The following EBF2 variants were observed in gnomAD, a reference collection of about 807,000 sequenced individuals.
EBF2 encodes the protein transcription factor COE2.
A neutral mutation model predicts 72.8 loss-of-function variants in EBF2; 21 were observed. That is an observed-to-expected ratio of 0.29 (90% CI 0.20 to 0.42). The LOEUF (loss-of-function observed/expected upper bound fraction) is 0.42, where lower values mean the gene tolerates loss of function less well. Among genes scored for constraint, EBF2 ranks in the 10% least tolerant of loss-of-function variants. EBF2 has a pLI of 1.00. For missense variants in EBF2, 637 were observed against 731.2 expected (o/e 0.87, Z 1.49); for synonymous variants, 299 against 274.2 (o/e 1.09, Z -0.89).
chr8:25,968,847 C>T (rs796843225), intron 6 of EBF2, among the ~76,000 whole-genome samples: 15 of 152,306 alleles, frequency 9.8e-5, no homozygotes, highest in African/African-American at 3.6e-4. Context: ...CACGAGCCAC[C>T]GTGCCCCGCA....
chr8:26,040,779 C>T (rs1401808831), intron 3 of EBF2, 108 bp from the exon 4 acceptor site: 40 of 1,481,412 alleles, frequency 2.7e-5, no homozygotes, highest in Non-Finnish European at 3.6e-5. Context: ...CCATGCTGAG[C>T]CGCCCTGGAG....
intron 7 of EBF2, among the ~76,000 whole-genome samples, chr8:25,907,298 T>C (rs1331317216): frequency 1.3e-5 from 2 of 151,306 alleles, no homozygotes; most frequent in African/African-American, 4.9e-5. Flanking sequence ...TGCACACCTG[T>C]AGTCCTAGCT....
chr8:25,968,116 TG>T (rs1245394698), intron 6 of EBF2, among the ~76,000 whole-genome samples: 1 of 151,986 alleles, frequency 6.6e-6, no homozygotes, highest in Non-Finnish European at 1.5e-5. Context: ...GGCTATTTAA[TG>T]AAGGACAGGA....
intron 6 of EBF2, among the ~76,000 whole-genome samples, chr8:25,995,286 A>G (rs1191525973): frequency 1.3e-5 from 2 of 152,228 alleles, no homozygotes; most frequent in African/African-American, 4.8e-5. Flanking sequence ...AGCCTGGGCA[A>G]CAAGAGTGAA....
intron 6 of EBF2, among the ~76,000 whole-genome samples, chr8:25,944,640 T>C (rs1803734478): frequency 6.8e-6 from 1 of 148,068 alleles, no homozygotes; most frequent in Non-Finnish European, 1.5e-5. Flanking sequence ...CATTATATAA[T>C]TATATATGAT....
At chr8:25,926,398 G>A (rs1443495283) in intron 6 of EBF2, among the ~76,000 whole-genome samples, 1 of 152,114 alleles carries the variant, frequency 6.6e-6, no homozygotes, top group Non-Finnish European at 1.5e-5. Context: ...TTCCCAAGTT[G>A]GCTAAGAAAT....
At chr8:25,911,161 C>T (rs1382168871) in intron 6 of EBF2, among the ~76,000 whole-genome samples, 1 of 152,176 alleles carries the variant, frequency 6.6e-6, no homozygotes, top group Non-Finnish European at 1.5e-5. Flanking sequence ...TCCCCTGGGT[C>T]TAGATCCCTC....
At chr8:25,904,842 AAGTAC>A (rs1475746951) in intron 7 of EBF2, among the ~76,000 whole-genome samples, 2 of 152,202 alleles carry the variant, frequency 1.3e-5, no homozygotes, top group African/African-American at 4.8e-5. Context: ...AGTAGAATCT[AAGTAC>A]AGTATAAAAA....
At chr8:25,943,111 C>A (rs1431099036) in intron 6 of EBF2, among the ~76,000 whole-genome samples, 1 of 152,070 alleles carries the variant, frequency 6.6e-6, no homozygotes, top group Non-Finnish European at 1.5e-5. Context: ...ATACTTGTTT[C>A]TCCTATGGAA....
intron 15 of EBF2, among the ~76,000 whole-genome samples, chr8:25,849,655 T>G (rs6995681): frequency 0.022 from 3,409 of 151,782 alleles, 67 homozygotes; most frequent in African/African-American, 0.053. Context: ...TTTTGCTGTC[T>G]GCTGCCCTCC....
In EBF2 at chr8:25,842,842, T is replaced by A. The variant is rs1801763743; in HGVS notation, c.*1767A>T. The stretch of plus-strand genomic sequence containing the variant: ...CAGAATTAATGAAATCATCTAAAAT[T>A]GGCTCAGATGCACTCATGATGTTTT... On this transcript the variant is annotated 3_prime_UTR_variant, in exon 16 of 16. Coordinates refer to ENST00000520164, the MANE Select transcript of EBF2 (RefSeq NM_022659.4). 1.3e-5 allele frequency: 2 copies of A among 152,186 alleles called. No homozygotes were observed. The highest frequency in any genetic ancestry group is 2.9e-5 in the Non-Finnish European group (2 of 68,030). The allele number at this position is 152,186 out of a possible 1,614,324, so 9.4% of individuals were successfully genotyped here. A position where few individuals can be genotyped will look rare whatever the true frequency, so the allele number is the denominator to read the frequency against.
chr8:26,039,975 G>A (rs556521671), intron 5 of EBF2, 53 bp downstream of exon 5: 20 of 1,587,630 alleles, frequency 1.3e-5, no homozygotes, highest in Admixed American at 3.3e-5. Flanking sequence ...GCCAAGGCGG[G>A]GCTGGAGCAC....
intron 6 of EBF2, among the ~76,000 whole-genome samples, chr8:25,980,064 CT>C (rs1563198684): frequency 6.6e-6 from 1 of 152,174 alleles, no homozygotes; most frequent in Non-Finnish European, 1.5e-5. Flanking sequence ...TTGCTTTGCA[CT>C]GTAGCTGTCA....
intron 7 of EBF2, among the ~76,000 whole-genome samples, chr8:25,893,971 T>C (rs577624202): frequency 1.3e-5 from 2 of 152,332 alleles, no homozygotes; most frequent in African/African-American, 4.8e-5. Context: ...ATAAAATTTA[T>C]TACAAGATTT....
At chr8:26,041,176 C>T (rs1416760800) in intron 2 of EBF2, 174 bp from the exon 3 acceptor site, 3 of 697,512 alleles carry the variant, frequency 4.3e-6, no homozygotes, top group Non-Finnish European at 7.2e-6. Context: ...CCTTGGCCGC[C>T]CCCGGAAACT....
At chr8:25,930,090 A>G (rs2117144550) in intron 6 of EBF2, among the ~76,000 whole-genome samples, 1 of 152,320 alleles carries the variant, frequency 6.6e-6, no homozygotes, top group East Asian at 1.9e-4. Flanking sequence ...AGCTGCTGAA[A>G]TGTTTGGGTG....
At chr8:25,932,815 A>G (rs926346708) in intron 6 of EBF2, among the ~76,000 whole-genome samples, 2 of 151,562 alleles carry the variant, frequency 1.3e-5, no homozygotes, top group South Asian at 4.2e-4. Context: ...TTTTTTTTTT[A>G]CTGCCAGAAT....
chr8:25,903,738 CAG>C (rs1005082684), intron 7 of EBF2, among the ~76,000 whole-genome samples: 8 of 152,030 alleles, frequency 5.3e-5, no homozygotes, highest in African/African-American at 1.7e-4. Context: ...AAAAAAAAGA[CAG>C]GGGCTGTGGC....
rs551306691 is a variant in EBF2 at position 25,868,440 on chromosome 8, A to G, written c.1010-5643T>C. On this transcript the variant is annotated intron_variant, in intron 10 of 15. Coordinates refer to ENST00000520164, the MANE Select transcript of EBF2 (RefSeq NM_022659.4). ...TCTCATTTCTAATAGTTTTAAATATATATACTTTTCTAGTGATTTGAGAGA... is the reference window on the plus strand; with the variant it reads ...TCTCATTTCTAATAGTTTTAAATATGTATACTTTTCTAGTGATTTGAGAGA... Among the ~76,000 whole-genome samples, 6 of 152,108 alleles carry G rather than the reference A, an allele frequency of 3.9e-5. 1 individual carries two copies. In the South Asian group the frequency reaches 1.0e-3, roughly 26 times the overall value.
Sources: gnomAD v4.1 joint callset for allele counts (sites outside exome capture counted in the v4.1 genomes callset) on GRCh38, gnomAD v4.1.1 for gene constraint, MANE v1.5 for transcripts, NCBI Gene and HGNC (gene_info 2026-07-23, HGNC 2026-07-21) for gene names.